STXBP5L: variants seen among roughly 807,000 people sequenced by gnomAD.
The protein encoded by STXBP5L is syntaxin binding protein 5L.
STXBP5L carries 65 observed loss-of-function variants against 144.5 expected under a neutral mutation model. The ratio of observed to expected loss-of-function variants is 0.45; its 90% confidence interval spans 0.37 to 0.55. STXBP5L has a LOEUF of 0.55. Ranked by LOEUF, STXBP5L falls within the 20% of genes least tolerant of loss-of-function variation. STXBP5L has a pLI of 0.00. For missense variants in STXBP5L, 1,298 were observed against 1,405.5 expected, an observed-to-expected ratio of 0.92 and a Z score of 1.22; for synonymous variants, 505 against 469.6, an observed-to-expected ratio of 1.08 and a Z score of -0.97.
chr3:121,003,285 T>C (rs995733303), intron 3 of STXBP5L, among the ~76,000 whole-genome samples: 1 of 151,192 alleles, frequency 6.6e-6, no homozygotes, highest in African/African-American at 2.4e-5. Flanking sequence ...GTGGTTTTGA[T>C]TTACATTTCT....
At chr3:120,941,054 A>G (rs1031897341) in intron 2 of STXBP5L, among the ~76,000 whole-genome samples, 1 of 151,832 alleles carries the variant, frequency 6.6e-6, no homozygotes, top group Non-Finnish European at 1.5e-5. Context: ...ATAAATTTGT[A>G]CTTACATAAT....
At chr3:121,064,222 T>C (rs2041431077) in intron 5 of STXBP5L, among the ~76,000 whole-genome samples, 1 of 152,130 alleles carries the variant, frequency 6.6e-6, no homozygotes, top group Admixed American at 6.6e-5. Context: ...TTGGCTAAGG[T>C]AGGGAGTTCC....
intron 17 of STXBP5L, 99 bp from the exon 18 acceptor site, chr3:121,258,944 G>A (rs992523031): frequency 9.4e-5 from 116 of 1,229,882 alleles, no homozygotes; most frequent in Non-Finnish European, 1.2e-4. Context: ...AATGCCTGGT[G>A]TTGTATATTT....
chr3:121,324,967 A>G (rs2044095694), intron 20 of STXBP5L, among the ~76,000 whole-genome samples: 1 of 152,050 alleles, frequency 6.6e-6, no homozygotes. Flanking sequence ...ATTCTCTGTA[A>G]TTCTTCATAA....
intron 5 of STXBP5L, among the ~76,000 whole-genome samples, chr3:121,055,097 G>A (rs77258736): frequency 1.3e-5 from 2 of 152,126 alleles, no homozygotes; most frequent in African/African-American, 4.8e-5. Flanking sequence ...TTTAATCACA[G>A]GAAGTTTGAA....
At chr3:120,949,059 C>T (rs979138155) in intron 2 of STXBP5L, among the ~76,000 whole-genome samples, 6 of 151,858 alleles carry the variant, frequency 4.0e-5, no homozygotes, top group East Asian at 1.9e-4. Context: ...ACCACATCCA[C>T]GCCAACATCT....
chr3:121,213,043 T>C (rs1305067619), intron 10 of STXBP5L, among the ~76,000 whole-genome samples: 3 of 152,210 alleles, frequency 2.0e-5, no homozygotes, highest in Admixed American at 2.0e-4. Context: ...ATTCTTGTGA[T>C]TTTTGCAAAT....
chr3:121,152,428 T>C lies in STXBP5L; in HGVS notation c.670-49T>C, dbSNP rs2045964052. 3.7e-6 allele frequency: 5 copies of C among 1,350,016 alleles called. No individual in the cohort carries two copies. In the East Asian group the frequency reaches 1.2e-4, roughly 32 times the overall value. 83.6% of individuals were successfully genotyped at this position (1,350,016 alleles called of 1,614,324 possible). On this transcript the variant is annotated intron_variant, in intron 7 of 26. Coordinates refer to ENST00000471454, the MANE Select transcript of STXBP5L (RefSeq NM_001308330.2). ...AACATTAAACTTTATTTGAAGCAAGTTAAAATTAATGTTAGAATTAAGAAA... is the reference window on the plus strand; with the variant it reads ...AACATTAAACTTTATTTGAAGCAAGCTAAAATTAATGTTAGAATTAAGAAA...
intron 20 of STXBP5L, among the ~76,000 whole-genome samples, chr3:121,328,978 C>T (rs1033044222): frequency 2.0e-5 from 3 of 151,692 alleles, no homozygotes; most frequent in Non-Finnish European, 4.4e-5. Flanking sequence ...AAGAACTAAT[C>T]ATAATCACCT....
rs556120299 is a variant in STXBP5L at position 120,948,355 on chromosome 3, C to A, written c.190-6585C>A. 3.0e-4 allele frequency among the ~76,000 whole-genome samples: 45 copies of A among 151,470 alleles called. No individual in the cohort carries two copies. In the South Asian group the frequency reaches 4.6e-3, roughly 15 times the overall value. On this transcript the variant is annotated intron_variant, in intron 2 of 26. Transcript: ENST00000471454. ...TTCTTTATATATTCTGGATTAAGTT[C>A]TTTTTCAGATATTTGATTTGCAAAT...
At chr3:120,974,519 T>C (rs1940699641) in intron 3 of STXBP5L, among the ~76,000 whole-genome samples, 1 of 151,826 alleles carries the variant, frequency 6.6e-6, no homozygotes, top group South Asian at 2.1e-4. Flanking sequence ...GGTATTTTCT[T>C]TTGCTGTGCA....
intron 2 of STXBP5L, among the ~76,000 whole-genome samples, chr3:120,916,866 T>G (rs1709127869): frequency 6.6e-6 from 1 of 152,192 alleles, no homozygotes; most frequent in Non-Finnish European, 1.5e-5. Context: ...TTGGTTAATG[T>G]TCAGTTTACT....
chr3:121,007,070 G>C (rs560259500), intron 3 of STXBP5L, among the ~76,000 whole-genome samples: 3 of 152,068 alleles, frequency 2.0e-5, no homozygotes, highest in Non-Finnish European at 2.9e-5. Flanking sequence ...GGCGTTCTCT[G>C]TATTTCCTGA....
At chr3:121,314,564 C>T (rs1478549176) in intron 19 of STXBP5L, among the ~76,000 whole-genome samples, 23 of 137,338 alleles carry the variant, frequency 1.7e-4, no homozygotes, top group East Asian at 4.5e-4. Context: ...AGCTTTGGCT[C>T]GGCATCAGAG....
chr3:121,306,450 C>A (rs1429365978), intron 19 of STXBP5L, among the ~76,000 whole-genome samples: 1 of 152,088 alleles, frequency 6.6e-6, no homozygotes, highest in Non-Finnish European at 1.5e-5. Flanking sequence ...GCTCATAGGG[C>A]AGAAGTTTTA....
At chr3:120,979,462 T>A (rs1361708722) in intron 3 of STXBP5L, among the ~76,000 whole-genome samples, 1 of 152,156 alleles carries the variant, frequency 6.6e-6, no homozygotes, top group Admixed American at 6.5e-5. Flanking sequence ...CCCCTTTCTT[T>A]GACTAGGAAA....
At chr3:121,380,728 C>T (rs1420065082) in intron 21 of STXBP5L, among the ~76,000 whole-genome samples, 1 of 152,018 alleles carries the variant, frequency 6.6e-6, no homozygotes, top group African/African-American at 2.4e-5. Context: ...AGCCTGAAAC[C>T]AGTTCAGGGA....
chr3:121,146,831 A>T (rs1387831785), intron 7 of STXBP5L, among the ~76,000 whole-genome samples: 1 of 152,124 alleles, frequency 6.6e-6, no homozygotes, highest in Non-Finnish European at 1.5e-5. Flanking sequence ...TTTATAGTAT[A>T]CAGGTAGTGC....
chr3:121,278,562 G>T (rs1478775498), intron 18 of STXBP5L, among the ~76,000 whole-genome samples: 1 of 151,826 alleles, frequency 6.6e-6, no homozygotes, highest in Non-Finnish European at 1.5e-5. Context: ...ATACTAATTT[G>T]TTATAACTGG....
Sources: allele counts gnomAD v4.1 joint callset (sites outside exome capture counted in the v4.1 genomes callset), GRCh38; gene constraint gnomAD v4.1.1; transcripts MANE v1.5; gene names NCBI Gene and HGNC (gene_info 2026-07-23, HGNC 2026-07-21).